Variants in MYO1B observed in about 807,000 individuals in gnomAD.
MYO1B encodes the protein myosin IB.
In MYO1B, 72 loss-of-function variants were observed where a neutral mutation model predicts 159.7. The ratio of observed to expected loss-of-function variants is 0.45; its 90% CI spans 0.37 to 0.55. The LOEUF (loss-of-function observed/expected upper bound fraction) is 0.55. Ranked by LOEUF, MYO1B falls within the 20% of genes least tolerant of loss-of-function variation. The probability of loss-of-function intolerance (pLI) is 0.00; values close to 1 mark genes in which losing one functional copy is unlikely to be tolerated. For synonymous variants in MYO1B, 468 were observed against 473.8 expected (o/e 0.99, Z 0.16); for missense variants, 1,062 against 1,364.8 (o/e 0.78, Z 3.50).
chr2:191,277,161 C>T lies in MYO1B; in HGVS notation c.135+131C>T, dbSNP rs547239271. ...TCCAGCAGTATTTGCTTTATACCCT[C>T]AGAAAGAGTTGAGTTTTTACTGATT... On this transcript the variant is annotated intron_variant, in intron 2 of 30. Coordinates refer to ENST00000392318, the MANE Select transcript of MYO1B (RefSeq NM_001130158.3). 20 of 1,115,272 alleles carry T rather than the reference C, an allele frequency of 1.8e-5. No individual in the cohort carries two copies. The African/African-American group carries it at 2.1e-4, about 11-fold the overall frequency. The allele number at this position is 1,115,272 out of a possible 1,614,324, so 69.1% of individuals were successfully genotyped here. A position where few individuals can be genotyped will look rare whatever the true frequency, so the allele number is the denominator to read the frequency against.
intron 3 of MYO1B, among the ~76,000 whole-genome samples, chr2:191,298,383 T>G (rs1689110438): frequency 6.6e-6 from 1 of 152,218 alleles, no homozygotes; most frequent in South Asian, 2.1e-4. Flanking sequence ...ATGAAATACT[T>G]TATTTGATAC....
chr2:191,424,200 G>T lies in MYO1B; in HGVS notation c.*240G>T. 2.1e-6 allele frequency: 1 copy of T among 465,912 alleles called. No homozygotes were observed. The highest frequency in any genetic ancestry group is 3.4e-5 in the East Asian group (1 of 29,678). The allele number at this position is 465,912 out of a possible 1,614,324, so 28.9% of individuals were successfully genotyped here. A position where few individuals can be genotyped will look rare whatever the true frequency, so the allele number is the denominator to read the frequency against. On this transcript the variant is annotated 3_prime_UTR_variant, in exon 31 of 31. Coordinates refer to ENST00000392318, the MANE Select transcript of MYO1B (RefSeq NM_001130158.3). ...CAGTGTCTATTTTCATGTCTGATGTGTTCTTCCTTTAGTCATCATGTTAGG... is the reference window on the plus strand; with the variant it reads ...CAGTGTCTATTTTCATGTCTGATGTTTTCTTCCTTTAGTCATCATGTTAGG...
rs377494142 is a variant in MYO1B, at chr2:191,392,119, A to G, written c.1994A>G (p.Glu665Gly). The change falls in exon 19 of 31, where the codon GAG becomes GGG. Residue 665 changes from glutamate (E) to glycine (G), a missense_variant. Glu to Gly is a moderately conservative substitution (Grantham distance 98). Coordinates refer to ENST00000392318, the MANE Select transcript of MYO1B (RefSeq NM_001130158.3). ...TTTTATTTTTTTAGGTCTGGTGTGG[A>G]GGTCCTATTTAATGAATTAGAAATT... ...HWKGPARSGVEVLFNELEIPV... is the reference protein window; with the variant it reads ...HWKGPARSGVGVLFNELEIPV... The G allele has an allele frequency of 2.5e-5, 40 of 1,607,394 alleles. No individual in the cohort carries two copies. The highest frequency in any genetic ancestry group is 3.4e-5 in the Non-Finnish European group (40 of 1,175,070).
chr2:191,375,954 G>A lies in MYO1B; in HGVS notation c.1186-5508G>A, dbSNP rs866174324. On this transcript the variant is annotated intron_variant, in intron 13 of 30. Transcript: ENST00000392318. Reference sequence around the variant, plus strand: ...AGCCTGGGCAACAGAGCGAGACTCCGTATCAAAAAAAAAAAAAAAATTCAA... The same window carrying A: ...AGCCTGGGCAACAGAGCGAGACTCCATATCAAAAAAAAAAAAAAAATTCAA... Among the ~76,000 whole-genome samples the A allele has an allele frequency of 7.0e-5, 10 of 143,856 alleles. No homozygotes were observed. The Middle Eastern group carries it at 0.015, about 210-fold the overall frequency. 94.4% of individuals were successfully genotyped at this position (143,856 alleles called of 152,430 possible).
chr2:191,248,757 G>A (rs2125646951), intron 1 of MYO1B, among the ~76,000 whole-genome samples: 1 of 152,222 alleles, frequency 6.6e-6, no homozygotes, highest in African/African-American at 2.4e-5. Context: ...GTGCGATTGG[G>A]GATCCCAAAG....
rs954362690 is a variant in MYO1B at position 191,259,368 on chromosome 2, G to A, written c.-10+13742G>A. 2.0e-5 allele frequency among the ~76,000 whole-genome samples: 3 copies of A among 152,058 alleles called. No homozygotes were observed. The East Asian group carries it at 5.8e-4, about 29-fold the overall frequency. ...AATGGAGTTTAAAAAGATGTTTGTG[G>A]GCCTACCACTCTAAAAGTGTCAACT... is the stretch of plus-strand genomic sequence containing the variant. On this transcript the variant is annotated intron_variant, in intron 1 of 30. Transcript: ENST00000392318.
chr2:191,279,431 T>TG lies in MYO1B; in HGVS notation c.135+2404dup, dbSNP rs1025467410. 1.4e-4 allele frequency among the ~76,000 whole-genome samples: 21 copies of TG among 148,470 alleles called. No individual in the cohort carries two copies. In the South Asian group the frequency reaches 1.5e-3, roughly 11 times the overall value. On this transcript the variant is annotated intron_variant, in intron 2 of 30. Transcript: ENST00000392318. ...GTTACCTTCAGGTACCATAGTGGGG[T>TG]GGGTTGGGATAGGGCATGGGGACAG...
At position 191,340,442 on chromosome 2, in the gene MYO1B, G is replaced by A. The variant is rs117735467; in HGVS notation, c.347-1019G>A. 6.1e-4 allele frequency among the ~76,000 whole-genome samples: 93 copies of A among 152,288 alleles called. 1 individual carries two copies. The East Asian group carries it at 0.013, about 22-fold the overall frequency. On this transcript the variant is annotated intron_variant, in intron 4 of 30. Coordinates refer to ENST00000392318, the MANE Select transcript of MYO1B (RefSeq NM_001130158.3). ...AATCAGAAGCTAGGAGGCAGATGCC[G>A]AGAGAGGGGACACGGACTGATAGGG...
intron 2 of MYO1B, among the ~76,000 whole-genome samples, chr2:191,294,722 A>G (rs1442529627): frequency 2.0e-5 from 3 of 152,202 alleles, no homozygotes; most frequent in African/African-American, 7.2e-5. Context: ...TACAACAGCA[A>G]TCTTGTCCAC....
At chr2:191,317,045 A>G (rs1690396735) in intron 3 of MYO1B, among the ~76,000 whole-genome samples, 1 of 152,092 alleles carries the variant, frequency 6.6e-6, no homozygotes, top group African/African-American at 2.4e-5. Flanking sequence ...TTGGAGGAGG[A>G]CGTATTTGAT....
chr2:191,408,953 A>G (rs530286622), intron 25 of MYO1B, 91 bp from the exon 26 acceptor site: 14 of 1,332,490 alleles, frequency 1.1e-5, no homozygotes, highest in South Asian at 7.8e-5. Context: ...AAATTCTACT[A>G]TTGTCTCGTT....
chr2:191,262,836 A>G (rs1388721083), intron 1 of MYO1B, among the ~76,000 whole-genome samples: 2 of 152,008 alleles, frequency 1.3e-5, no homozygotes, highest in East Asian at 3.9e-4. Flanking sequence ...CTCACCTTTC[A>G]TGGTCGAGTT....
intron 2 of MYO1B, among the ~76,000 whole-genome samples, chr2:191,290,569 A>T (rs1688632072): frequency 6.6e-6 from 1 of 152,232 alleles, no homozygotes; most frequent in African/African-American, 2.4e-5. Flanking sequence ...AGTAAAGGGT[A>T]CTTTTGGTTT....
intron 12 of MYO1B, 28 bp from the exon 13 acceptor site, chr2:191,370,199 T>A: frequency 6.5e-7 from 1 of 1,548,092 alleles, no homozygotes; most frequent in Non-Finnish European, 8.9e-7. Flanking sequence ...ATGCCTTAAT[T>A]AACCCTTTAA....
intron 3 of MYO1B, among the ~76,000 whole-genome samples, chr2:191,323,510 AC>A (rs1690859207): frequency 6.6e-6 from 1 of 152,138 alleles, no homozygotes; most frequent in South Asian, 2.1e-4. Flanking sequence ...GTTACATTTG[AC>A]TGCCAGGATT....
rs370145730 is a variant in MYO1B, at chr2:191,360,580, G to T, written c.563-51G>T. 127 of 1,125,856 alleles carry T rather than the reference G, an allele frequency of 1.1e-4. No homozygotes were observed. In the Middle Eastern group the frequency reaches 5.0e-3, roughly 45 times the overall value. The allele number at this position is 1,125,856 out of a possible 1,614,324, so 69.7% of individuals were successfully genotyped here. On this transcript the variant is annotated intron_variant, in intron 7 of 30. Transcript: ENST00000392318. Reference sequence around the variant, plus strand: ...AAGTGAGAAGGAAAAAAAGCATGGTGGATTTGGAAGTGAAACAAATGCCAT... The same window carrying T: ...AAGTGAGAAGGAAAAAAAGCATGGTTGATTTGGAAGTGAAACAAATGCCAT...
chr2:191,329,978 G>A lies in MYO1B; in HGVS notation c.295G>A (p.Asp99Asn). ...DEAYRSLRDQ[D>N]KDQCILITGE... ...AGCATACAGATCCCTACGAGATCAA[G>A]ATAAGGACCAATGTATTCTCATTAC... Residue 99 changes from aspartate to asparagine, a missense_variant, in exon 4 of 31, where the codon GAT becomes AAT. Physicochemically the swap from Asp to Asn is conservative, Grantham distance 23. Around this residue, in one of 5 missense-constraint regions of MYO1B, gnomAD observed 415 missense variants for 544.0 expected, o/e 0.76. Coordinates refer to ENST00000392318, the MANE Select transcript of MYO1B (RefSeq NM_001130158.3). 3.1e-6 allele frequency: 5 copies of A among 1,612,788 alleles called. No homozygotes were observed. The highest frequency in any genetic ancestry group is 4.2e-6 in the Non-Finnish European group (5 of 1,179,222).
chr2:191,400,400 G>T lies in MYO1B; in HGVS notation c.2314G>T (p.Glu772Ter). Residue 772 changes from glutamate to a stop codon, truncating the protein, a stop_gained, in exon 22 of 31, where the codon GAA becomes TAA. Transcript: ENST00000392318. LOFTEE classifies it high-confidence loss of function. ...CCTTTAGGCTCGAAAAATTCTGCGG[G>T]AACTGAAGCATCAAAAGCGCTGTAA... ...RGWKARKILRELKHQKRCKEA... is the reference protein window; with the variant it reads ...RGWKARKILR 1 of 1,614,056 alleles carries T rather than the reference G, an allele frequency of 6.2e-7. No homozygotes were observed. The highest frequency in any genetic ancestry group is 8.5e-7 in the Non-Finnish European group (1 of 1,180,032).
At chr2:191,295,085 T>C (rs1245754391) in intron 2 of MYO1B, among the ~76,000 whole-genome samples, 1 of 152,186 alleles carries the variant, frequency 6.6e-6, no homozygotes, top group African/African-American at 2.4e-5. Flanking sequence ...CTTTCCTTTA[T>C]GAACCTTTTT....
Sources: gnomAD v4.1 joint callset for allele counts (sites outside exome capture counted in the v4.1 genomes callset) on GRCh38, gnomAD v4.1.1 for gene constraint, gnomAD v4.1.1 regional missense constraint, MANE v1.5 for transcripts, NCBI Gene and HGNC (gene_info 2026-07-23, HGNC 2026-07-21) for gene names.